SGMS1: variants seen among roughly 807,000 people sequenced by gnomAD.
SGMS1 encodes the protein sphingomyelin synthase 1, also known as phosphatidylcholine:ceramide cholinephosphotransferase 1.
Under a neutral mutation model 46.2 loss-of-function variants are expected in SGMS1, and 13 were observed. The observed-to-expected ratio is 0.28, with a 90% confidence interval of 0.18 to 0.45. The LOEUF is 0.45. SGMS1 is among the 20% of genes least tolerant of loss of function. The pLI is 1.00. For synonymous variants in SGMS1, 203 were observed against 187.8 expected (o/e 1.08, Z -0.66); for missense variants, 324 against 519.9 (o/e 0.62, Z 3.66).
chr10:50,525,050 G>A lies in SGMS1; in HGVS notation c.-588-5129C>T, dbSNP rs539343789. ...AAGCAAAATAATGTTTAAAAGAAGC[G>A]GTGGAAATAGGAAAGAATTTTCTTA... is the stretch of plus-strand genomic sequence containing the variant. On this transcript the variant is annotated intron_variant, in intron 2 of 10. Coordinates refer to ENST00000361781, the MANE Select transcript of SGMS1 (RefSeq NM_147156.4). 7.2e-5 allele frequency among the ~76,000 whole-genome samples: 11 copies of A among 152,102 alleles called. No homozygotes were observed. The East Asian group carries it at 7.7e-4, about 11-fold the overall frequency.
At chr10:50,614,490 G>A (rs968210527) in intron 1 of SGMS1, among the ~76,000 whole-genome samples, 8 of 152,352 alleles carry the variant, frequency 5.3e-5, no homozygotes, top group African/African-American at 1.7e-4. Flanking sequence ...TGATGGCAGT[G>A]GTTGGCAAAG....
chr10:50,370,448 A>T (rs2117961), intron 6 of SGMS1, among the ~76,000 whole-genome samples: 1 of 148,838 alleles, frequency 6.7e-6, no homozygotes, highest in Admixed American at 6.6e-5. Flanking sequence ...TTTTTTTTTT[A>T]AACAAAGACA....
At chr10:50,550,518 A>T (rs1838139330) in intron 2 of SGMS1, among the ~76,000 whole-genome samples, 1 of 152,172 alleles carries the variant, frequency 6.6e-6, no homozygotes, top group Non-Finnish European at 1.5e-5. Context: ...CTCTGGCTCC[A>T]GCCTTATCTT....
chr10:50,475,154 C>A (rs961493261), intron 3 of SGMS1, among the ~76,000 whole-genome samples: 5 of 152,146 alleles, frequency 3.3e-5, no homozygotes, highest in African/African-American at 4.8e-5. Context: ...ACAAATAATT[C>A]TTGTCCATAG....
intron 6 of SGMS1, among the ~76,000 whole-genome samples, chr10:50,414,229 G>A (rs1849137898): frequency 2.0e-5 from 3 of 152,144 alleles, no homozygotes; most frequent in Admixed American, 2.0e-4. Flanking sequence ...AACACAGTGA[G>A]ACCTTGTCTC....
intron 6 of SGMS1, among the ~76,000 whole-genome samples, chr10:50,369,718 C>CA: frequency 6.6e-6 from 1 of 152,256 alleles, no homozygotes; most frequent in East Asian, 1.9e-4. Context: ...GAACCAGTTT[C>CA]AACAAAGATC....
At position 50,478,470 on chromosome 10, in the gene SGMS1, G is replaced by A. The variant is rs907797067; in HGVS notation, c.-497-11538C>T. On this transcript the variant is annotated intron_variant, in intron 3 of 10. Transcript: ENST00000361781. Reference sequence around the variant, plus strand: ...AGGATTCTCTACCTATCTATCCCTTGATAAGACTTCTTTAAAGGACATATT... The same window carrying A: ...AGGATTCTCTACCTATCTATCCCTTAATAAGACTTCTTTAAAGGACATATT... 2.0e-5 allele frequency among the ~76,000 whole-genome samples: 3 copies of A among 152,228 alleles called. No homozygotes were observed. In the East Asian group the frequency reaches 5.8e-4, roughly 29 times the overall value.
chr10:50,485,697 C>T (rs540402516), intron 3 of SGMS1, among the ~76,000 whole-genome samples: 11 of 152,190 alleles, frequency 7.2e-5, no homozygotes, highest in South Asian at 6.2e-4. Context: ...GCCAGGAGTT[C>T]GAGAGCAGCC....
intron 2 of SGMS1, among the ~76,000 whole-genome samples, chr10:50,565,126 C>G (rs1009680388): frequency 3.9e-5 from 6 of 152,124 alleles, no homozygotes; most frequent in Admixed American, 3.3e-4. Context: ...TTTTATTAAA[C>G]AAGCAAGATA....
At chr10:50,604,210 A>G (rs1838673439) in intron 1 of SGMS1, among the ~76,000 whole-genome samples, 1 of 152,150 alleles carries the variant, frequency 6.6e-6, no homozygotes, top group Non-Finnish European at 1.5e-5. Context: ...GCCCTCCACC[A>G]GCTGGACCCT....
intron 6 of SGMS1, among the ~76,000 whole-genome samples, chr10:50,415,525 G>A (rs535851888): frequency 4.0e-4 from 61 of 152,262 alleles, no homozygotes; most frequent in Middle Eastern, 3.4e-3. Flanking sequence ...TTAGGATTTA[G>A]AGTGGCTTAA....
Position 50,316,669 on chromosome 10 carries a change from C to T in SGMS1, c.742-5254G>A, listed in dbSNP as rs146948633. Among the ~76,000 whole-genome samples, 1,284 of 152,232 alleles carry T rather than the reference C, an allele frequency of 8.4e-3. 19 individuals carry two copies. The highest frequency in any genetic ancestry group is 0.028 in the African/African-American group (1,157 of 41,532). ...GTTCTGTTCCCAAAGAGCAGTCTTC[C>T]TCCAGAATAGAAAATTCATTATCAT... On this transcript the variant is annotated intron_variant, in intron 8 of 10. Transcript: ENST00000361781.
intron 2 of SGMS1, among the ~76,000 whole-genome samples, chr10:50,567,650 G>A (rs569293370): frequency 1.3e-5 from 2 of 152,214 alleles, no homozygotes; most frequent in African/African-American, 2.4e-5. Flanking sequence ...TCTAACATCT[G>A]ACCCACTTTG....
At position 50,305,751 on chromosome 10, in the gene SGMS1, A is replaced by G. The variant is rs1444085062; in HGVS notation, c.*1391T>C. The G allele has an allele frequency of 2.0e-5, 3 of 152,754 alleles. No homozygotes were observed. The highest frequency in any genetic ancestry group is 4.4e-5 in the Non-Finnish European group (3 of 68,006). 9.5% of individuals were successfully genotyped at this position (152,754 alleles called of 1,614,324 possible). A position where few individuals can be genotyped will look rare whatever the true frequency, so the allele number is the denominator to read the frequency against. On this transcript the variant is annotated 3_prime_UTR_variant, in exon 11 of 11. Coordinates refer to ENST00000361781, the MANE Select transcript of SGMS1 (RefSeq NM_147156.4). ...TAAAAGCCTTTTTATTTCCTTCACC[A>G]TTATTGTTTTACAATACAAATATCA...
intron 3 of SGMS1, among the ~76,000 whole-genome samples, chr10:50,482,475 T>C (rs1441638854): frequency 1.3e-5 from 2 of 152,128 alleles, no homozygotes; most frequent in East Asian, 3.9e-4. Flanking sequence ...CAAAGGAAAA[T>C]AAAATCCTTT....
chr10:50,449,714 AT>A (rs1241472981), intron 5 of SGMS1, among the ~76,000 whole-genome samples: 1 of 150,774 alleles, frequency 6.6e-6, no homozygotes, highest in Non-Finnish European at 1.5e-5. Context: ...TCTCTTCTTT[AT>A]TTTTTGCCAT....
intron 2 of SGMS1, among the ~76,000 whole-genome samples, chr10:50,534,750 T>C (rs375387197): frequency 1.3e-5 from 2 of 152,112 alleles, no homozygotes; most frequent in African/African-American, 2.4e-5. Flanking sequence ...GATGCAAAAA[T>C]AGTCTTAAAA....
At chr10:50,386,063 G>T (rs187660118) in intron 6 of SGMS1, among the ~76,000 whole-genome samples, 19 of 152,192 alleles carry the variant, frequency 1.2e-4, no homozygotes, top group African/African-American at 3.6e-4. Flanking sequence ...GCAATTCTGC[G>T]ATGCCTAACA....
chr10:50,620,995 G>A (rs750588258), intron 1 of SGMS1, among the ~76,000 whole-genome samples: 4 of 152,068 alleles, frequency 2.6e-5, no homozygotes, highest in Non-Finnish European at 5.9e-5. Context: ...ACCAGCCTGG[G>A]CAACATAACA....
Sources: gnomAD v4.1 joint callset for allele counts (sites outside exome capture counted in the v4.1 genomes callset) on GRCh38, gnomAD v4.1.1 for gene constraint, MANE v1.5 for transcripts, NCBI Gene and HGNC (gene_info 2026-07-23, HGNC 2026-07-21) for gene names.